The following MAF variants were observed in gnomAD, a reference collection of about 807,000 sequenced individuals.
The protein encoded by MAF is transcription factor Maf.
Under a neutral mutation model 22.0 loss-of-function variants are expected in MAF, and 10 were observed. The ratio of observed to expected loss-of-function variants is 0.45; its 90% confidence interval spans 0.28 to 0.77. The LOEUF (loss-of-function observed/expected upper bound fraction) is 0.77, where lower values mean the gene tolerates loss of function less well. Ranked by LOEUF, MAF falls within the 30% of genes least tolerant of loss-of-function variation. The pLI is 0.12. For synonymous variants in MAF, 337 were observed against 255.8 expected, an observed-to-expected ratio of 1.32 and a Z score of -3.03; for missense variants, 544 against 548.4, an observed-to-expected ratio of 0.99 and a Z score of 0.08.
At chr16:79,494,526 G>T in the MAF span, among the ~76,000 whole-genome samples, 1 of 152,088 alleles carries the variant, frequency 6.6e-6, no homozygotes, top group Non-Finnish European at 1.5e-5. Context: ...TGATCCGATT[G>T]TATTCCCACC....
the MAF span, among the ~76,000 whole-genome samples, chr16:79,445,135 G>A: frequency 1.7e-3 from 252 of 152,024 alleles, no homozygotes; most frequent in African/African-American, 5.9e-3. Context: ...CTGGGTTCAC[G>A]CCATTCTCCT....
chr16:79,322,905 C>T, the MAF span, among the ~76,000 whole-genome samples: 1 of 151,916 alleles, frequency 6.6e-6, no homozygotes, highest in Non-Finnish European at 1.5e-5. Context: ...AATCCCAGCA[C>T]TTTGGGAGGC....
At chr16:79,300,943 AGAG>A in the MAF span, among the ~76,000 whole-genome samples, 1 of 152,122 alleles carries the variant, frequency 6.6e-6, no homozygotes, top group East Asian at 1.9e-4. Context: ...CAACACATGA[AGAG>A]GAGAAGAAAG....
chr16:79,376,444 C>G, the MAF span, among the ~76,000 whole-genome samples: 1 of 151,988 alleles, frequency 6.6e-6, no homozygotes, highest in Non-Finnish European at 1.5e-5. Flanking sequence ...TAGATATAAG[C>G]CCCCATAGAA....
the MAF span, among the ~76,000 whole-genome samples, chr16:79,440,468 G>A: frequency 2.0e-5 from 3 of 152,000 alleles, no homozygotes; most frequent in Non-Finnish European, 2.9e-5. Context: ...ACGGAGTCTC[G>A]TTTGGTCACC....
chr16:79,394,931 G>A, the MAF span, among the ~76,000 whole-genome samples: 1 of 152,180 alleles, frequency 6.6e-6, no homozygotes, highest in Non-Finnish European at 1.5e-5. Context: ...CAGTGGTCAA[G>A]AGCCTGGGCA....
chr16:79,386,902 T>A, the MAF span, among the ~76,000 whole-genome samples: 1 of 152,178 alleles, frequency 6.6e-6, no homozygotes, highest in African/African-American at 2.4e-5. Context: ...AAGAGGAAAC[T>A]GAGGCAGTTC....
the MAF span, among the ~76,000 whole-genome samples, chr16:79,458,692 T>C: frequency 6.9e-4 from 105 of 152,312 alleles, no homozygotes; most frequent in Non-Finnish European, 1.2e-3. Context: ...ATAATAGGCA[T>C]GTTTTTTGTT....
chr16:79,286,868 C>A, the MAF span, among the ~76,000 whole-genome samples: 1 of 152,186 alleles, frequency 6.6e-6, no homozygotes, highest in Non-Finnish European at 1.5e-5. Flanking sequence ...ACTCAACATG[C>A]CTCTTCCCCG....
chr16:79,554,971 C>G, the MAF span, among the ~76,000 whole-genome samples: 3 of 152,070 alleles, frequency 2.0e-5, no homozygotes, highest in Non-Finnish European at 4.4e-5. Flanking sequence ...AGCCTACAGC[C>G]CAGAAATGTG....
chr16:79,261,885 A>G, the MAF span, among the ~76,000 whole-genome samples: 1 of 152,192 alleles, frequency 6.6e-6, no homozygotes, highest in Non-Finnish European at 1.5e-5. Context: ...AGAATGCTCA[A>G]CTAACTCAGT....
chr16:79,307,078 A>G, the MAF span, among the ~76,000 whole-genome samples: 1 of 152,366 alleles, frequency 6.6e-6, no homozygotes, highest in Admixed American at 6.5e-5. Flanking sequence ...AATGGATCCC[A>G]AAAACCTGAC....
the MAF span, among the ~76,000 whole-genome samples, chr16:79,430,214 G>T: frequency 1.3e-5 from 2 of 152,206 alleles, no homozygotes; most frequent in Admixed American, 1.3e-4. Flanking sequence ...TGTTTACAAT[G>T]CAATTAACAT....
chr16:79,398,072 G>T, the MAF span, among the ~76,000 whole-genome samples: 5 of 152,278 alleles, frequency 3.3e-5, no homozygotes, highest in Non-Finnish European at 5.9e-5. Context: ...CCTTCTGGAG[G>T]CTCTGGTGGG....
downstream of MAF, among the ~76,000 whole-genome samples, chr16:79,590,374 C>T (rs1033771812): frequency 6.6e-6 from 1 of 152,224 alleles, no homozygotes; most frequent in African/African-American, 2.4e-5. Context: ...TCCAGTGATG[C>T]TCCCCGGACC....
the MAF span, among the ~76,000 whole-genome samples, chr16:79,385,172 G>C: frequency 3.9e-5 from 6 of 152,156 alleles, no homozygotes; most frequent in African/African-American, 1.4e-4. Flanking sequence ...TAATGATCAA[G>C]TCACCTGTTC....
chr16:79,596,581 A>C (rs1913540695), intron 1 of MAF: 1 of 1,046,842 alleles, frequency 9.6e-7, no homozygotes, highest in African/African-American at 1.7e-5. Flanking sequence ...GTGGTTAGTT[A>C]GTAACTCAAG....
the MAF span, among the ~76,000 whole-genome samples, chr16:79,523,978 C>T: frequency 6.6e-6 from 1 of 152,304 alleles, no homozygotes; most frequent in African/African-American, 2.4e-5. Context: ...CTGTGATCAT[C>T]GGCATGAAAT....
the MAF span, among the ~76,000 whole-genome samples, chr16:79,311,046 C>T: frequency 6.6e-6 from 1 of 150,766 alleles, no homozygotes; most frequent in Non-Finnish European, 1.5e-5. Context: ...GCAAAATGCA[C>T]CCAATTCAAA....
Sources: gnomAD v4.1 joint callset for allele counts (sites outside exome capture counted in the v4.1 genomes callset) on GRCh38, gnomAD v4.1.1 for gene constraint, MANE v1.5 for transcripts, NCBI Gene and HGNC (gene_info 2026-07-23, HGNC 2026-07-21) for gene names.